The following PTPRR variants were observed in gnomAD, a reference collection of about 807,000 sequenced individuals.
PTPRR encodes the protein protein tyrosine phosphatase receptor type R, also known as receptor-type tyrosine-protein phosphatase R.
A neutral mutation model predicts 77.2 loss-of-function variants in PTPRR; 38 were observed. That is an observed-to-expected ratio of 0.49 (90% CI 0.38 to 0.65). The LOEUF (loss-of-function observed/expected upper bound fraction) is 0.65, where lower values mean the gene tolerates loss of function less well. PTPRR is among the 30% of genes least tolerant of loss of function. The pLI, the probability that PTPRR is intolerant of heterozygous loss-of-function variation, is 0.00. For missense variants in PTPRR, 744 were observed against 799.2 expected (o/e 0.93, Z 0.83); for synonymous variants, 299 against 283.1 (o/e 1.06, Z -0.57).
At chr12:70,827,345 T>C (rs1318275805) in intron 2 of PTPRR, among the ~76,000 whole-genome samples, 1 of 152,104 alleles carries the variant, frequency 6.6e-6, no homozygotes, top group African/African-American at 2.4e-5. Flanking sequence ...TGCTCTAGAC[T>C]GAGTGGCTTA....
intron 8 of PTPRR, among the ~76,000 whole-genome samples, chr12:70,692,521 G>A (rs1888090180): frequency 6.6e-6 from 1 of 152,106 alleles, no homozygotes; most frequent in Non-Finnish European, 1.5e-5. Context: ...TGCCAAGAGG[G>A]GTACTTAGCA....
intron 8 of PTPRR, among the ~76,000 whole-genome samples, chr12:70,696,816 T>C (rs2136770341): frequency 6.6e-6 from 1 of 152,304 alleles, no homozygotes; most frequent in Admixed American, 6.5e-5. Flanking sequence ...TCTGTCTGTA[T>C]AGATTTAGCT....
intron 2 of PTPRR, among the ~76,000 whole-genome samples, chr12:70,824,650 G>T (rs1242169096): frequency 2.6e-5 from 4 of 152,146 alleles, no homozygotes; most frequent in Non-Finnish European, 4.4e-5. Context: ...AAGCCACAGT[G>T]TGTCTGGTGG....
intron 6 of PTPRR, among the ~76,000 whole-genome samples, chr12:70,729,030 C>G (rs1269647763): frequency 6.6e-6 from 1 of 152,136 alleles, no homozygotes; most frequent in Non-Finnish European, 1.5e-5. Flanking sequence ...GCTTTCACAT[C>G]AGAGGCTCTG....
chr12:70,897,198 C>A (rs1217160242), intron 1 of PTPRR, among the ~76,000 whole-genome samples: 1 of 151,866 alleles, frequency 6.6e-6, no homozygotes, highest in Non-Finnish European at 1.5e-5. Context: ...AAAGAAACCA[C>A]CATCAGAGTG....
chr12:70,764,720 C>T lies in PTPRR; in HGVS notation c.416G>A (p.Gly139Glu), dbSNP rs775093628. Reference protein sequence around the residue: ...NITLLRIFRQGVAAALGLLPQ... With the variant: ...NITLLRIFRQEVAAALGLLPQ... The stretch of plus-strand genomic sequence containing the variant: ...TAAGAGTCCTAAAGCTGCAGCCACT[C>T]CTTGGCGGAAGATCCGAAGCAAGGT... Residue 139 changes from glycine to glutamate, a missense_variant, in exon 3 of 14, where the codon GGA becomes GAA. Coordinates refer to ENST00000283228, the MANE Select transcript of PTPRR (RefSeq NM_002849.4). 1 of 1,614,118 alleles carries T rather than the reference C, an allele frequency of 6.2e-7. No homozygotes were observed. The highest frequency in any genetic ancestry group is 1.1e-5 in the South Asian group (1 of 91,078).
chr12:70,711,164 A>T (rs1364325710), intron 6 of PTPRR, among the ~76,000 whole-genome samples: 2 of 152,210 alleles, frequency 1.3e-5, no homozygotes, highest in Non-Finnish European at 2.9e-5. Flanking sequence ...GATGGACTGG[A>T]TAAAGAAAAT....
chr12:70,838,565 G>A (rs1892342953), intron 2 of PTPRR, among the ~76,000 whole-genome samples: 1 of 152,150 alleles, frequency 6.6e-6, no homozygotes, highest in South Asian at 2.1e-4. Context: ...AGGTTATTTG[G>A]TTGGCTGGGA....
intron 6 of PTPRR, among the ~76,000 whole-genome samples, chr12:70,745,231 T>C (rs1890174717): frequency 6.6e-6 from 1 of 152,140 alleles, no homozygotes; most frequent in Non-Finnish European, 1.5e-5. Flanking sequence ...CACCTGGCTA[T>C]TGGCCAGGCT....
At chr12:70,766,058 T>A (rs2136970972) in intron 2 of PTPRR, among the ~76,000 whole-genome samples, 1 of 151,752 alleles carries the variant, frequency 6.6e-6, no homozygotes, top group South Asian at 2.1e-4. Context: ...ACCACAAAGA[T>A]GGGGAAAAAA....
chr12:70,660,701 C>T (rs1322406455), intron 12 of PTPRR, among the ~76,000 whole-genome samples: 11 of 152,174 alleles, frequency 7.2e-5, no homozygotes, highest in East Asian at 1.9e-4. Context: ...CCATTTATTA[C>T]GAACTTGTAT....
At position 70,806,343 on chromosome 12, in the gene PTPRR, G is replaced by A. The variant is rs148987809; in HGVS notation, c.358-41565C>T. The stretch of plus-strand genomic sequence containing the variant: ...CATTGTGTGGCTACAGGAAAGTCTT[G>A]TTTGGGCTTAGTAGGTGATAAGATA... On this transcript the variant is annotated intron_variant, in intron 2 of 13. Coordinates refer to ENST00000283228, the MANE Select transcript of PTPRR (RefSeq NM_002849.4). Among the ~76,000 whole-genome samples the A allele has an allele frequency of 1.1e-3, 162 of 152,274 alleles. 1 individual carries two copies. Among genetic ancestry groups the A allele is most frequent in the African/African-American group, 3.7e-3 (154 of 41,558 alleles).
chr12:70,691,078 T>G (rs973960682), intron 8 of PTPRR, among the ~76,000 whole-genome samples: 4 of 152,174 alleles, frequency 2.6e-5, no homozygotes, highest in Admixed American at 6.5e-5. Flanking sequence ...TTGCTTTTCT[T>G]TTTTAGACAG....
intron 1 of PTPRR, among the ~76,000 whole-genome samples, chr12:70,895,805 C>T (rs1893418097): frequency 6.6e-6 from 1 of 151,682 alleles, no homozygotes; most frequent in South Asian, 2.1e-4. Flanking sequence ...TCAAATGCTA[C>T]CTATTTCCTC....
chr12:70,786,793 T>C (rs1170221258), intron 2 of PTPRR, among the ~76,000 whole-genome samples: 1 of 152,228 alleles, frequency 6.6e-6, no homozygotes, highest in Non-Finnish European at 1.5e-5. Context: ...TAAAATGAAA[T>C]GAGGTTTATT....
At chr12:70,713,747 CTTTT>C (rs1229752379) in intron 6 of PTPRR, among the ~76,000 whole-genome samples, 1 of 151,908 alleles carries the variant, frequency 6.6e-6, no homozygotes, top group African/African-American at 2.4e-5. Flanking sequence ...TTTGGGTTGT[CTTTT>C]TATTTTGCGT....
chr12:70,916,310 G>A (rs556161184), intron 1 of PTPRR, among the ~76,000 whole-genome samples: 1 of 152,234 alleles, frequency 6.6e-6, no homozygotes, highest in East Asian at 1.9e-4. Flanking sequence ...TCTAGAAACA[G>A]AAGGATAAAT....
intron 2 of PTPRR, among the ~76,000 whole-genome samples, chr12:70,885,661 A>T (rs1212184639): frequency 6.6e-6 from 1 of 150,884 alleles, no homozygotes; most frequent in Non-Finnish European, 1.5e-5. Flanking sequence ...CAGCCTCCCG[A>T]GTAGCTGGGA....
intron 10 of PTPRR, among the ~76,000 whole-genome samples, chr12:70,676,037 T>C (rs1887433449): frequency 6.6e-6 from 1 of 151,912 alleles, no homozygotes; most frequent in Non-Finnish European, 1.5e-5. Context: ...ACTCAAGTCT[T>C]CCATCAGTTT....
Sources: allele counts gnomAD v4.1 joint callset (sites outside exome capture counted in the v4.1 genomes callset), GRCh38; gene constraint gnomAD v4.1.1; transcripts MANE v1.5; gene names NCBI Gene and HGNC (gene_info 2026-07-23, HGNC 2026-07-21).